HECTD2: variants seen among roughly 807,000 people sequenced by gnomAD.
HECTD2 encodes the protein probable E3 ubiquitin-protein ligase HECTD2.
Under a neutral mutation model 103.2 loss-of-function variants are expected in HECTD2, and 35 were observed. The observed-to-expected ratio is 0.34, with a 90% CI of 0.26 to 0.45. The LOEUF is 0.45. Ranked by LOEUF, HECTD2 falls within the 20% of genes least tolerant of loss-of-function variation. The probability of loss-of-function intolerance (pLI) is 1.00; values close to 1 mark genes in which losing one functional copy is unlikely to be tolerated. For missense variants in HECTD2, 596 were observed against 937.4 expected, an observed-to-expected ratio of 0.64 and a Z score of 4.76; for synonymous variants, 281 against 329.9, an observed-to-expected ratio of 0.85 and a Z score of 1.61.
At chr10:91,473,588 C>T (rs924279463) in intron 5 of HECTD2, among the ~76,000 whole-genome samples, 12 of 152,256 alleles carry the variant, frequency 7.9e-5, no homozygotes, top group African/African-American at 2.9e-4. Flanking sequence ...TTTATTCCGC[C>T]TCTGCCATGT....
intron 2 of HECTD2, among the ~76,000 whole-genome samples, chr10:91,445,970 A>C (rs1225379641): frequency 3.3e-5 from 5 of 151,988 alleles, no homozygotes; most frequent in Admixed American, 1.3e-4. Context: ...ATTTGAGCAG[A>C]CACCGAACTT....
intron 1 of HECTD2, among the ~76,000 whole-genome samples, chr10:91,415,193 A>AGT (rs397846279): frequency 0.13 from 18,811 of 141,616 alleles, 1,188 homozygotes; most frequent in Non-Finnish European, 0.15. Flanking sequence ...AATTAGAGAA[A>AGT]GTGTGTGTGT....
At chr10:91,505,774 T>G (rs991561566) in intron 20 of HECTD2, among the ~76,000 whole-genome samples, 10 of 152,092 alleles carry the variant, frequency 6.6e-5, no homozygotes, top group African/African-American at 2.4e-4. Flanking sequence ...CAAGCAGACC[T>G]AATAGACATC....
chr10:91,458,860 A>G (rs1372296546), intron 2 of HECTD2, among the ~76,000 whole-genome samples: 1 of 152,028 alleles, frequency 6.6e-6, no homozygotes, highest in South Asian at 2.1e-4. Flanking sequence ...ACAATCCATA[A>G]GAGAAAAATT....
intron 2 of HECTD2, among the ~76,000 whole-genome samples, chr10:91,426,961 TTTAGCATTAGGTGTA>T (rs1381402451): frequency 1.3e-5 from 2 of 149,036 alleles, no homozygotes; most frequent in Non-Finnish European, 3.0e-5. Flanking sequence ...TAACTCGTCA[TTTAGCATTAGGTGTA>T]TCTCCTAATG....
intron 1 of HECTD2, among the ~76,000 whole-genome samples, chr10:91,415,503 C>A (rs1333911090): frequency 6.6e-6 from 1 of 152,134 alleles, no homozygotes; most frequent in Non-Finnish European, 1.5e-5. Flanking sequence ...AAAGCAATCA[C>A]AACAACCCTG....
At chr10:91,437,033 A>T (rs776998471) in intron 2 of HECTD2, among the ~76,000 whole-genome samples, 1 of 152,068 alleles carries the variant, frequency 6.6e-6, no homozygotes, top group Non-Finnish European at 1.5e-5. Context: ...TCTTTAACAG[A>T]TAAGGAGTAT....
chr10:91,461,020 G>A (rs1379395274), intron 3 of HECTD2, among the ~76,000 whole-genome samples: 2 of 152,166 alleles, frequency 1.3e-5, no homozygotes, highest in Non-Finnish European at 2.9e-5. Flanking sequence ...AGCGATAATT[G>A]AGCGACATGT....
At chr10:91,497,378 C>T (rs1423394185) in intron 15 of HECTD2, among the ~76,000 whole-genome samples, 1 of 150,432 alleles carries the variant, frequency 6.6e-6, no homozygotes. Flanking sequence ...GCAACCTCCA[C>T]CTCCCAGGTC....
At chr10:91,455,848 G>C (rs890444453) in intron 2 of HECTD2, among the ~76,000 whole-genome samples, 1 of 152,024 alleles carries the variant, frequency 6.6e-6, no homozygotes, top group African/African-American at 2.4e-5. Flanking sequence ...CCTATTTCTT[G>C]TTTTTGTCAG....
chr10:91,462,484 C>G, intron 5 of HECTD2: 1 of 1,158,468 alleles, frequency 8.6e-7, no homozygotes, highest in Non-Finnish European at 1.1e-6. Flanking sequence ...TACACTGAAT[C>G]TGTAGATCAG....
At chr10:91,445,815 C>T (rs187855567) in intron 2 of HECTD2, among the ~76,000 whole-genome samples, 3 of 152,176 alleles carry the variant, frequency 2.0e-5, no homozygotes, top group East Asian at 3.9e-4. Flanking sequence ...CAAGGGAAGT[C>T]GTGAGAGACT....
chr10:91,446,078 G>T (rs1844602113), intron 2 of HECTD2, among the ~76,000 whole-genome samples: 1 of 151,970 alleles, frequency 6.6e-6, no homozygotes, highest in Non-Finnish European at 1.5e-5. Flanking sequence ...TGTCCTGACT[G>T]GGAGATACCT....
Position 91,450,348 on chromosome 10 carries a change from T to C in HECTD2, c.269-10079T>C, listed in dbSNP as rs548509962. 9.2e-5 allele frequency among the ~76,000 whole-genome samples: 14 copies of C among 152,266 alleles called. No homozygotes were observed. In the South Asian group the frequency reaches 2.9e-3, roughly 32 times the overall value. On this transcript the variant is annotated intron_variant, in intron 2 of 20. Coordinates refer to ENST00000298068, the MANE Select transcript of HECTD2 (RefSeq NM_182765.6). ...TGCAGAAAACTGAAACTGGACCCCTTCCTTACACCTCATACAAAAATTAAC... is the reference window on the plus strand; with the variant it reads ...TGCAGAAAACTGAAACTGGACCCCTCCCTTACACCTCATACAAAAATTAAC...
intron 16 of HECTD2, 127 bp downstream of exon 16, chr10:91,498,309 T>C (rs1013266868): frequency 3.1e-6 from 2 of 644,076 alleles, no homozygotes; most frequent in African/African-American, 3.6e-5. Flanking sequence ...ATCCTCTGTC[T>C]TAAAGGACCT....
intron 15 of HECTD2, among the ~76,000 whole-genome samples, chr10:91,497,009 G>C (rs913713983): frequency 4.0e-5 from 6 of 150,786 alleles, no homozygotes; most frequent in African/African-American, 1.5e-4. Flanking sequence ...ACCCAGGCTG[G>C]AGTGCAGTGG....
intron 6 of HECTD2, 62 bp from the exon 7 acceptor site, chr10:91,481,032 T>G: frequency 9.7e-7 from 1 of 1,033,376 alleles, no homozygotes; most frequent in Non-Finnish European, 1.4e-6. Flanking sequence ...ATTGGTCTTT[T>G]TCGTTAGATG....
At chr10:91,455,531 A>C (rs1212494756) in intron 2 of HECTD2, among the ~76,000 whole-genome samples, 1 of 151,832 alleles carries the variant, frequency 6.6e-6, no homozygotes, top group Non-Finnish European at 1.5e-5. Context: ...TTGCCTGTTC[A>C]CTCTGATGGT....
chr10:91,468,102 T>C (rs562153100), intron 5 of HECTD2, among the ~76,000 whole-genome samples: 9 of 152,314 alleles, frequency 5.9e-5, no homozygotes, highest in African/African-American at 2.2e-4. Flanking sequence ...CAAGCAAGCA[T>C]GGATCCAACT....
Sources: allele counts gnomAD v4.1 joint callset (sites outside exome capture counted in the v4.1 genomes callset), GRCh38; gene constraint gnomAD v4.1.1; transcripts MANE v1.5; gene names NCBI Gene and HGNC (gene_info 2026-07-23, HGNC 2026-07-21).